HFM1: variants seen among roughly 807,000 people sequenced by gnomAD.
HFM1 encodes helicase for meiosis 1, also known as probable ATP-dependent DNA helicase HFM1.
Under a neutral mutation model 192.1 loss-of-function variants are expected in HFM1, and 169 were observed. That is an observed-to-expected ratio of 0.88 (90% confidence interval 0.78 to 1.00). The LOEUF is 1.00. Ranked by LOEUF, HFM1 falls within the 50% of genes least tolerant of loss-of-function variation. HFM1 has a pLI of 0.00. For missense variants in HFM1, 1,661 were observed against 1,668.0 expected, an observed-to-expected ratio of 1.00 and a Z score of 0.07; for synonymous variants, 525 against 537.8, an observed-to-expected ratio of 0.98 and a Z score of 0.33.
In HFM1 at chr1:91,315,922, T is replaced by C. The variant is rs138444412; in HGVS notation, c.3033A>G (p.Leu1011=). 124 of 1,599,064 alleles carry C rather than the reference T, an allele frequency of 7.8e-5. No individual in the cohort carries two copies. The highest frequency in any genetic ancestry group is 1.0e-4 in the Non-Finnish European group (118 of 1,166,912). ...TTAEILVTVI[L]RNFEQLQTKR... ...TAGTTTGTAGCTGTTCAAAATTTCT[T>C]AATATAACAGTCACTAATATTTCTG... The change falls in exon 28 of 39, where the codon TTA becomes TTG. Residue 1011 remains leucine (L), a synonymous_variant. Coordinates refer to ENST00000370425, the MANE Select transcript of HFM1 (RefSeq NM_001017975.6).
In HFM1 at chr1:91,383,636, A is replaced by T. The variant is rs527746022; in HGVS notation, c.802+1551T>A. Reference sequence around the variant, plus strand: ...ATTGTTGCCTAGATTTCTCTAGCACAGCTATGCAATATCTGGAATTCATTT... The same window carrying T: ...ATTGTTGCCTAGATTTCTCTAGCACTGCTATGCAATATCTGGAATTCATTT... On this transcript the variant is annotated intron_variant, in intron 6 of 38. Coordinates refer to ENST00000370425, the MANE Select transcript of HFM1 (RefSeq NM_001017975.6). 2.0e-5 allele frequency among the ~76,000 whole-genome samples: 3 copies of T among 152,294 alleles called. No homozygotes were observed. In the South Asian group the frequency reaches 6.2e-4, roughly 32 times the overall value.
intron 1 of HFM1, chr1:91,404,449 C>T (rs1291708771): frequency 6.1e-6 from 1 of 164,976 alleles, no homozygotes; most frequent in Admixed American, 6.5e-5. Context: ...TCAGGGGGCG[C>T]CACACACCGG....
chr1:91,319,075 T>C lies in HFM1; in HGVS notation c.2812+3A>G, dbSNP rs746781392. 2 of 1,587,644 alleles carry C rather than the reference T, an allele frequency of 1.3e-6. No individual in the cohort carries two copies. The highest frequency in any genetic ancestry group is 2.3e-5 in the South Asian group (2 of 85,384). On this transcript the variant is annotated splice_donor_region_variant and intron_variant, in intron 25 of 38. Transcript: ENST00000370425. ...AAACTGCCTGCCTGTATTCAGTACC[T>C]ACCAATTTTTTCCAGTTGTTTGGAT... is the stretch of plus-strand genomic sequence containing the variant.
At chr1:91,288,568 A>G (rs1570793905) in intron 30 of HFM1, among the ~76,000 whole-genome samples, 1 of 151,650 alleles carries the variant, frequency 6.6e-6, no homozygotes, top group Middle Eastern at 3.4e-3. Context: ...GAGATTAGGG[A>G]GTGGTGATGA....
intron 30 of HFM1, among the ~76,000 whole-genome samples, chr1:91,282,120 G>A (rs1257705146): frequency 1.3e-5 from 2 of 152,134 alleles, no homozygotes; most frequent in Middle Eastern, 6.8e-3. Flanking sequence ...TTCTGAAAAC[G>A]TTTCTCAAAT....
Position 91,304,072 on chromosome 1 carries a change from C to T in HFM1, c.3391+9277G>A, listed in dbSNP as rs573543441. Among the ~76,000 whole-genome samples the T allele has an allele frequency of 1.2e-3, 179 of 152,204 alleles. 1 individual carries two copies. The highest frequency in any genetic ancestry group is 3.9e-3 in the African/African-American group (164 of 41,540). On this transcript the variant is annotated intron_variant, in intron 30 of 38. Coordinates refer to ENST00000370425, the MANE Select transcript of HFM1 (RefSeq NM_001017975.6). ...GTTTCACCATATTGGCCAGGGTGGT[C>T]TTGAACTCCTGACCTCAAGTGATCT... is the stretch of plus-strand genomic sequence containing the variant.
In HFM1 at chr1:91,316,485, A is replaced by T; in HGVS notation, c.2813-9T>A. On this transcript the variant is annotated splice_polypyrimidine_tract_variant and intron_variant, in intron 25 of 38. Coordinates refer to ENST00000370425, the MANE Select transcript of HFM1 (RefSeq NM_001017975.6). ...ATTTGACAATGTTATACCTGTGGAA[A>T]ATTAATCAAACAACAACTTAAAAAT... 1 of 1,304,100 alleles carries T rather than the reference A, an allele frequency of 7.7e-7. No homozygotes were observed. The highest frequency in any genetic ancestry group is 1.0e-6 in the Non-Finnish European group (1 of 954,358). 80.8% of individuals were successfully genotyped at this position (1,304,100 alleles called of 1,614,324 possible). A position where few individuals can be genotyped will look rare whatever the true frequency, so the allele number is the denominator to read the frequency against.
At chr1:91,342,240 T>C (rs1655460793) in intron 20 of HFM1, among the ~76,000 whole-genome samples, 1 of 149,306 alleles carries the variant, frequency 6.7e-6, no homozygotes, top group African/African-American at 2.5e-5. Flanking sequence ...AAAAAGCTAA[T>C]CCACCGTGAG....
chr1:91,276,923 A>G, intron 31 of HFM1, 59 bp downstream of exon 31: 1 of 1,008,382 alleles, frequency 9.9e-7, no homozygotes. Context: ...TGTCATTACT[A>G]TCCACCAAAG....
chr1:91,276,826 T>C (rs968365415), intron 31 of HFM1, 83 bp from the exon 32 acceptor site: 2 of 835,162 alleles, frequency 2.4e-6, no homozygotes, highest in South Asian at 2.1e-5. Context: ...ATTTCAAATC[T>C]AGTATTTACT....
intron 30 of HFM1, among the ~76,000 whole-genome samples, chr1:91,301,050 C>CA (rs1177908475): frequency 2.2e-4 from 34 of 152,364 alleles, no homozygotes; most frequent in African/African-American, 7.7e-4. Flanking sequence ...CATCTCAGCC[C>CA]AAAATCTCTT....
intron 13 of HFM1, 25 bp from the exon 14 acceptor site, chr1:91,353,324 T>C (rs375687081): frequency 1.4e-4 from 196 of 1,356,754 alleles, no homozygotes; most frequent in South Asian, 5.3e-4. Flanking sequence ...CATAAAATTA[T>C]TGAGTTACTC....
At position 91,288,981 on chromosome 1, in the gene HFM1, C is replaced by A. The variant is rs541036475; in HGVS notation, c.3392-11919G>T. 2.6e-3 allele frequency among the ~76,000 whole-genome samples: 392 copies of A among 149,728 alleles called. 7 individuals carry two copies. The highest frequency in any genetic ancestry group is 0.021 in the Admixed American group (319 of 15,112). On this transcript the variant is annotated intron_variant, in intron 30 of 38. Transcript: ENST00000370425. ...GCAGAGGCGCCCCCCACCTCCCGGA[C>A]GGGGCGGCTGGTCAGGTGGGGGCTA... is the stretch of plus-strand genomic sequence containing the variant.
Position 91,319,380 on chromosome 1 carries a change from C to G in HFM1, c.2593G>C (p.Ala865Pro). 1.2e-6 allele frequency: 2 copies of G among 1,609,902 alleles called. No individual in the cohort carries two copies. Among genetic ancestry groups the G allele is most frequent in the Non-Finnish European group, 1.7e-6 (2 of 1,176,336 alleles). The change falls in exon 24 of 39, where the codon GCT (alanine) becomes CCT (proline). Residue 865 changes from alanine to proline, a missense_variant. Coordinates refer to ENST00000370425, the MANE Select transcript of HFM1 (RefSeq NM_001017975.6). ...REMKVNCLIQ[A>P]QLGCIPIQDF... ...TGTATGGGAATGCATCCTAGTTGAG[C>G]CTGAATAAGACTGGGGGAAAGAAAA...
intron 20 of HFM1, among the ~76,000 whole-genome samples, chr1:91,336,243 C>T (rs567487398): frequency 1.4e-5 from 2 of 142,628 alleles, no homozygotes; most frequent in East Asian, 2.4e-4. Context: ...TCCCTCCCTT[C>T]CTTCCTCCCT....
intron 18 of HFM1, among the ~76,000 whole-genome samples, chr1:91,348,820 T>C (rs897164211): frequency 1.3e-5 from 2 of 151,682 alleles, no homozygotes; most frequent in Admixed American, 6.6e-5. Flanking sequence ...GCTACTCTGG[T>C]GGCTGAGGTG....
intron 11 of HFM1, among the ~76,000 whole-genome samples, chr1:91,377,208 A>G (rs1244486464): frequency 6.6e-6 from 1 of 151,952 alleles, no homozygotes. Context: ...TTGTTGTTGT[A>G]ATAAACTTTA....
At chr1:91,319,271 A>G in intron 24 of HFM1, 22 bp downstream of exon 24, 1 of 1,604,608 alleles carries the variant, frequency 6.2e-7, no homozygotes, top group Non-Finnish European at 8.5e-7. Context: ...AATATTTAAA[A>G]TCCACTAATC....
chr1:91,338,254 G>C (rs1188421819), intron 20 of HFM1, among the ~76,000 whole-genome samples: 1 of 152,200 alleles, frequency 6.6e-6, no homozygotes, highest in Non-Finnish European at 1.5e-5. Flanking sequence ...GTTTGGCACA[G>C]GAATGGCTAC....
Sources: allele counts gnomAD v4.1 joint callset (sites outside exome capture counted in the v4.1 genomes callset), GRCh38; gene constraint gnomAD v4.1.1; transcripts MANE v1.5; gene names NCBI Gene and HGNC (gene_info 2026-07-23, HGNC 2026-07-21).